The following P3H4 variants were observed in gnomAD, a reference collection of about 807,000 sequenced individuals.
P3H4 encodes endoplasmic reticulum protein SC65.
In P3H4, 47 loss-of-function variants were observed where a neutral mutation model predicts 52.9. The observed-to-expected ratio is 0.89, with a 90% confidence interval of 0.70 to 1.13. P3H4 has a LOEUF of 1.13. P3H4 is among the 50% of genes most tolerant of loss of function. The pLI, the probability that P3H4 is intolerant of heterozygous loss-of-function variation, is 0.00. For synonymous variants in P3H4, 256 were observed against 267.9 expected (o/e 0.96, Z 0.44); for missense variants, 585 against 611.0 (o/e 0.96, Z 0.45).
rs2047681850 is a variant in P3H4 at position 41,807,070 on chromosome 17, G to T, written c.1063-191C>A. On this transcript the variant is annotated intron_variant, in intron 5 of 7. Coordinates refer to ENST00000393928, the MANE Select transcript of P3H4 (RefSeq NM_006455.3). ...CTGGGTTAAGGATTCTGAGAGTTTG[G>T]TGACAAAGAGTCCCTCAATCGATTA... 6 of 578,846 alleles carry T rather than the reference G, an allele frequency of 1.0e-5. No individual in the cohort carries two copies. In the East Asian group the frequency reaches 1.7e-4, roughly 16 times the overall value. The allele number at this position is 578,846 out of a possible 1,614,324, so 35.9% of individuals were successfully genotyped here.
chr17:41,806,852 C>T lies in P3H4; in HGVS notation c.1090G>A (p.Ala364Thr), dbSNP rs375775038. Residue 364 changes from alanine (A) to threonine (T), a missense_variant, in exon 6 of 8, where the codon GCC (alanine) becomes ACC (threonine). By Grantham distance (58) the Ala-to-Thr change is moderately conservative (BLOSUM62 0). Transcript: ENST00000393928. ...AACTCCAGCAGCTCCCGCAGCTCGG[C>T]GGTCTGGTTGTGGTAGAGCATGGCC... is the stretch of plus-strand genomic sequence containing the variant. ...EEAMLYHNQT[A>T]ELRELLEFTH... 75 of 1,613,762 alleles carry T rather than the reference C, an allele frequency of 4.6e-5. No individual in the cohort carries two copies. The highest frequency in any genetic ancestry group is 1.7e-4 in the Middle Eastern group (1 of 6,008).
intron 5 of P3H4, 45 bp downstream of exon 5, chr17:41,807,814 T>C (rs1488288939): frequency 1.3e-6 from 2 of 1,578,532 alleles, no homozygotes; most frequent in Admixed American, 3.6e-5. Flanking sequence ...AGTTCATTTT[T>C]TACAAAGTGC....
intron 5 of P3H4, 119 bp downstream of exon 5, chr17:41,807,740 C>T (rs2047688514): frequency 2.4e-6 from 3 of 1,273,002 alleles, no homozygotes; most frequent in South Asian, 3.0e-5. Context: ...CCTCGTGATC[C>T]ACCCGCCTCA....
In P3H4 at chr17:41,811,770, C is replaced by G; in HGVS notation, c.146G>C (p.Gly49Ala). The G allele has an allele frequency of 6.5e-7, 1 of 1,532,200 alleles. No individual in the cohort carries two copies. Among genetic ancestry groups the G allele is most frequent in the Non-Finnish European group, 8.7e-7 (1 of 1,151,486 alleles). The allele number at this position is 1,532,200 out of a possible 1,614,324, so 94.9% of individuals were successfully genotyped here. A position where few individuals can be genotyped will look rare whatever the true frequency, so the allele number is the denominator to read the frequency against. Residue 49 changes from glycine to alanine, a missense_variant, in exon 1 of 8, where the codon GGA becomes GCA. By Grantham distance (60) the Gly-to-Ala change is moderately conservative (BLOSUM62 0). Transcript: ENST00000393928. This position sits in a 1 kb window ranked among gnomAD's most constrained non-coding sequence, Gnocchi z 4.8. ...GCGCGCGCTCTCGCGCCAGCTCTCT[C>G]CCTCGTACTGCTCCAGAGCGTGCCC... Reference protein sequence around the residue: ...AYGHALEQYEGESWRESARYL... With the variant: ...AYGHALEQYEAESWRESARYL...
At chr17:41,803,143 G>A (rs781999832) in intron 7 of P3H4, 144 bp downstream of exon 7, 4 of 1,432,962 alleles carry the variant, frequency 2.8e-6, no homozygotes, top group Non-Finnish European at 3.8e-6. Context: ...CGGGACAGGG[G>A]TTGCCAACAG....
intron 4 of P3H4, 108 bp from the exon 5 acceptor site, chr17:41,808,112 C>T: frequency 1.5e-6 from 2 of 1,379,090 alleles, no homozygotes; most frequent in Non-Finnish European, 2.0e-6. Flanking sequence ...TCCCAGAATA[C>T]CTAATGGGCT....
Position 41,807,999 on chromosome 17 carries a change from C to T in P3H4, c.922G>A (p.Asp308Asn). ...GCGCTGCGGGCAGCCTGGCGCACATCATTCACTGCAGCAGGACAGGGGTGA... is the reference window on the plus strand; with the variant it reads ...GCGCTGCGGGCAGCCTGGCGCACATTATTCACTGCAGCAGGACAGGGGTGA... Reference protein sequence around the residue: ...YLQFAYYKLNDVRQAARSAAS... With the variant: ...YLQFAYYKLNNVRQAARSAAS... Residue 308 changes from aspartate to asparagine, a missense_variant, in exon 5 of 8, where the codon GAT (aspartate) becomes AAT (asparagine). Physicochemically the swap from Asp to Asn is conservative, Grantham distance 23. Transcript: ENST00000393928. 1 of 1,613,278 alleles carries T rather than the reference C, an allele frequency of 6.2e-7. No individual in the cohort carries two copies. Among genetic ancestry groups the T allele is most frequent in the Non-Finnish European group, 8.5e-7 (1 of 1,179,594 alleles).
rs539364690 is a variant in P3H4, at chr17:41,807,643, G to A, written c.1062+216C>T. Among the ~76,000 whole-genome samples, 418 of 152,192 alleles carry A rather than the reference G, an allele frequency of 2.7e-3. 3 individuals are homozygous for A. The highest frequency in any genetic ancestry group is 9.0e-3 in the African/African-American group (375 of 41,520). On this transcript the variant is annotated intron_variant, in intron 5 of 7. Transcript: ENST00000393928. ...TTCCCGAGTAGTTGGTACTACAGGC[G>A]TCCACCACCATGCCTGGCTAATTTT...
rs1567850329 is a variant in P3H4 at position 41,811,094 on chromosome 17, CCCT to C, written c.615+35_615+37del. On this transcript the variant is annotated intron_variant, in intron 2 of 7. Transcript: ENST00000393928. This position sits in a 1 kb window ranked among gnomAD's most constrained non-coding sequence, Gnocchi z 4.8. ...CCCAACATCTCCCCTCCTCTACTAG[CCCT>C]CCTCTACAAGCCTCCTCCTGACCCT... 1 of 1,612,450 alleles carries C rather than the reference CCCT, an allele frequency of 6.2e-7. No individual in the cohort carries two copies. The highest frequency in any genetic ancestry group is 1.7e-5 in the Admixed American group (1 of 59,974).
chr17:41,806,671 A>C, intron 6 of P3H4, 125 bp downstream of exon 6: 1 of 738,986 alleles, frequency 1.4e-6, no homozygotes, highest in Non-Finnish European at 2.4e-6. Flanking sequence ...GAACAGGCAA[A>C]CCTCTCTTCT....
In P3H4 at chr17:41,811,011, C is replaced by G; in HGVS notation, c.639G>C (p.Lys213Asn). 6.2e-7 allele frequency: 1 copy of G among 1,613,966 alleles called. No individual in the cohort carries two copies. Among genetic ancestry groups the G allele is most frequent in the Non-Finnish European group, 8.5e-7 (1 of 1,179,864 alleles). Residue 213 changes from lysine (K) to asparagine (N), a missense_variant, in exon 3 of 8, where the codon AAG becomes AAC. Physicochemically the swap from Lys to Asn is moderately conservative, Grantham distance 94 (BLOSUM62 0). Transcript: ENST00000393928. This position sits in a 1 kb window ranked among gnomAD's most constrained non-coding sequence, Gnocchi z 4.8. Reference sequence around the variant, plus strand: ...TGCGGAAATCCCCGCTGTTGTAGAGCTTCACAGCCCGGAGGAACACGGCCT... The same window carrying G: ...TGCGGAAATCCCCGCTGTTGTAGAGGTTCACAGCCCGGAGGAACACGGCCT... Reference protein sequence around the residue: ...PYEAVFLRAVKLYNSGDFRSS... With the variant: ...PYEAVFLRAVNLYNSGDFRSS...
rs568584338 is a variant in P3H4, at chr17:41,807,137, G to A, written c.1063-258C>T. On this transcript the variant is annotated intron_variant, in intron 5 of 7. Transcript: ENST00000393928. ...ACAAGGAAGGCAGGAGTGGCACCAT[G>A]TGCCCCATATTTGCCAGCCTGGCCC... The A allele has an allele frequency of 5.8e-6, 3 of 514,074 alleles. No homozygotes were observed. In the South Asian group the frequency reaches 7.1e-5, roughly 12 times the overall value. The allele number at this position is 514,074 out of a possible 1,614,324, so 31.8% of individuals were successfully genotyped here. A position where few individuals can be genotyped will look rare whatever the true frequency, so the allele number is the denominator to read the frequency against.
In P3H4 at chr17:41,811,726, G is replaced by A; in HGVS notation, c.190C>T (p.Arg64Trp). The stretch of plus-strand genomic sequence containing the variant: ...CTGTCGCGCAGGAGCCGGTGCAGCC[G>A]CAGCGCCGCCTCCAGGTAGCGCGCG... ...ESARYLEAAL[R>W]LHRLLRDSEA... is the part of the protein sequence containing the mutation. Residue 64 changes from arginine (R) to tryptophan (W), a missense_variant, in exon 1 of 8, where the codon CGG (arginine) becomes TGG (tryptophan). Coordinates refer to ENST00000393928, the MANE Select transcript of P3H4 (RefSeq NM_006455.3). This position sits in a 1 kb window ranked among gnomAD's most constrained non-coding sequence, Gnocchi z 4.8. 1 of 1,506,446 alleles carries A rather than the reference G, an allele frequency of 6.6e-7. No homozygotes were observed. Among genetic ancestry groups the A allele is most frequent in the Non-Finnish European group, 8.8e-7 (1 of 1,139,346 alleles). 93.3% of individuals were successfully genotyped at this position (1,506,446 alleles called of 1,614,324 possible).
Position 41,802,946 on chromosome 17 carries a change from G to A in P3H4, c.*11C>T. 1.9e-6 allele frequency: 3 copies of A among 1,612,078 alleles called. No homozygotes were observed. The highest frequency in any genetic ancestry group is 2.5e-6 in the Non-Finnish European group (3 of 1,179,302). ...GCTTCCCAAGCTTGAGCGGTGTGGG[G>A]TGTCCCCTTCTCATGCGAGTTCAGG... On this transcript the variant is annotated 3_prime_UTR_variant, in exon 8 of 8. Transcript: ENST00000393928.
rs782045302 is a variant in P3H4, at chr17:41,806,825, T to A, written c.1117A>T (p.Thr373Ser). 1 of 1,613,832 alleles carries A rather than the reference T, an allele frequency of 6.2e-7. No homozygotes were observed. Among genetic ancestry groups the A allele is most frequent in the Non-Finnish European group, 8.5e-7 (1 of 1,179,910 alleles). Residue 373 changes from threonine to serine, a missense_variant, in exon 6 of 8, where the codon ACC becomes TCC. Physicochemically the swap from Thr to Ser is moderately conservative, Grantham distance 58. Coordinates refer to ENST00000393928, the MANE Select transcript of P3H4 (RefSeq NM_006455.3). Reference protein sequence around the residue: ...TAELRELLEFTHMYLQSDDEM... With the variant: ...TAELRELLEFSHMYLQSDDEM... ...TCATCTGACTGCAGGTACATGTGGG[T>A]GAACTCCAGCAGCTCCCGCAGCTCG...
chr17:41,811,769 T>C lies in P3H4; in HGVS notation c.147A>G (p.Gly49=). 1 of 1,525,218 alleles carries C rather than the reference T, an allele frequency of 6.6e-7. No homozygotes were observed. Among genetic ancestry groups the C allele is most frequent in the Non-Finnish European group, 8.7e-7 (1 of 1,148,530 alleles). The allele number at this position is 1,525,218 out of a possible 1,614,324, so 94.5% of individuals were successfully genotyped here. A position where few individuals can be genotyped will look rare whatever the true frequency, so the allele number is the denominator to read the frequency against. Reference sequence around the variant, plus strand: ...AGCGCGCGCTCTCGCGCCAGCTCTCTCCCTCGTACTGCTCCAGAGCGTGCC... The same window carrying C: ...AGCGCGCGCTCTCGCGCCAGCTCTCCCCCTCGTACTGCTCCAGAGCGTGCC... The part of the protein sequence containing the change: ...AYGHALEQYE[G]ESWRESARYL... Residue 49 remains glycine (G), a synonymous_variant, in exon 1 of 8, where the codon GGA becomes GGG. Transcript: ENST00000393928. This position sits in a 1 kb window ranked among gnomAD's most constrained non-coding sequence, Gnocchi z 4.8.
intron 3 of P3H4, among the ~76,000 whole-genome samples, chr17:41,810,362 C>T (rs782430322): frequency 6.6e-6 from 1 of 151,704 alleles, no homozygotes; most frequent in African/African-American, 2.4e-5. Flanking sequence ...TCAGTAGAGA[C>T]GGGGTTTCAC....
rs782486764 is a variant in P3H4, at chr17:41,811,931, G to C, written c.-16C>G. The C allele has an allele frequency of 2.8e-5, 42 of 1,494,690 alleles. No individual in the cohort carries two copies. The African/African-American group carries it at 3.9e-4, about 14-fold the overall frequency. The allele number at this position is 1,494,690 out of a possible 1,614,324, so 92.6% of individuals were successfully genotyped here. A position where few individuals can be genotyped will look rare whatever the true frequency, so the allele number is the denominator to read the frequency against. The stretch of plus-strand genomic sequence containing the variant: ...CCCGAGCCATGCCCGCCGCGCCGCC[G>C]GCTCTCCGGAGCTGAGCTGGCTGCC... On this transcript the variant is annotated 5_prime_UTR_variant, in exon 1 of 8. Coordinates refer to ENST00000393928, the MANE Select transcript of P3H4 (RefSeq NM_006455.3). This position sits in a 1 kb window ranked among gnomAD's most constrained non-coding sequence, Gnocchi z 4.8.
At position 41,811,586 on chromosome 17, in the gene P3H4, C is replaced by T. The variant is rs782371277; in HGVS notation, c.330G>A (p.Leu110=). The T allele has an allele frequency of 1.3e-6, 2 of 1,588,586 alleles. No homozygotes were observed. The highest frequency in any genetic ancestry group is 1.4e-5 in the African/African-American group (1 of 73,952). ...ACELRLFGRV[L]ERAACLRRCK... The stretch of plus-strand genomic sequence containing the variant: ...AGCGCCGCAGGCAGGCGGCTCGCTC[C>T]AGGACGCGGCCGAAGAGCCGCAGCT... The change falls in exon 1 of 8, where the codon CTG becomes CTA. Residue 110 remains leucine, a synonymous_variant. Coordinates refer to ENST00000393928, the MANE Select transcript of P3H4 (RefSeq NM_006455.3). This position sits in a 1 kb window ranked among gnomAD's most constrained non-coding sequence, Gnocchi z 4.8.
Sources: gnomAD v4.1 joint callset for allele counts (sites outside exome capture counted in the v4.1 genomes callset) on GRCh38, gnomAD v4.1.1 for gene constraint, Gnocchi (gnomAD v3.1) non-coding constraint, MANE v1.5 for transcripts, NCBI Gene and HGNC (gene_info 2026-07-23, HGNC 2026-07-21) for gene names.